The following RPS6KC1 variants were observed in gnomAD, a reference collection of about 807,000 sequenced individuals.
The protein encoded by RPS6KC1 is ribosomal protein S6 kinase C1, also known as inactive ribosomal protein S6 kinase delta-1.
In RPS6KC1, 54 loss-of-function variants were observed where a neutral mutation model predicts 103.8. The ratio of observed to expected loss-of-function variants is 0.52; its 90% CI spans 0.42 to 0.65. The LOEUF (loss-of-function observed/expected upper bound fraction) is 0.65, where lower values mean the gene tolerates loss of function less well. Among genes scored for constraint, RPS6KC1 ranks in the 30% least tolerant of loss-of-function variants. The pLI, the probability that RPS6KC1 is intolerant of heterozygous loss-of-function variation, is 0.00. For missense variants in RPS6KC1, 1,151 were observed against 1,253.8 expected, an observed-to-expected ratio of 0.92 and a Z score of 1.24; for synonymous variants, 439 against 438.7, an observed-to-expected ratio of 1.00 and a Z score of -0.01.
the RPS6KC1 span, among the ~76,000 whole-genome samples, chr1:213,315,641 T>C: frequency 2.6e-5 from 4 of 152,228 alleles, no homozygotes; most frequent in Non-Finnish European, 5.9e-5. Context: ...TATTAGTATA[T>C]AGGAAAGAGT....
the RPS6KC1 span, among the ~76,000 whole-genome samples, chr1:213,586,900 A>G: frequency 0.12 from 17,633 of 152,196 alleles, 1,686 homozygotes; most frequent in African/African-American, 0.26. Flanking sequence ...TAGAAGAAGG[A>G]AGGTGTGTGC....
the RPS6KC1 span, among the ~76,000 whole-genome samples, chr1:213,571,889 G>A: frequency 8.7e-4 from 132 of 152,318 alleles, no homozygotes; most frequent in African/African-American, 2.5e-3. Flanking sequence ...CAGTAGGTCC[G>A]GAGGAGGGCC....
At chr1:213,287,709 G>A in the RPS6KC1 span, among the ~76,000 whole-genome samples, 1 of 152,184 alleles carries the variant, frequency 6.6e-6, no homozygotes, top group African/African-American at 2.4e-5. Context: ...TTAGCATGCG[G>A]TATCCCTGAG....
chr1:213,385,170 C>G, the RPS6KC1 span, among the ~76,000 whole-genome samples: 2 of 152,310 alleles, frequency 1.3e-5, no homozygotes, highest in African/African-American at 4.8e-5. Context: ...TGATAAGCGA[C>G]TGAACATAGG....
At position 213,165,247 on chromosome 1, in the gene RPS6KC1, A is replaced by G. The variant is rs116451521; in HGVS notation, c.836-2611A>G. 5.7e-3 allele frequency among the ~76,000 whole-genome samples: 867 copies of G among 152,042 alleles called. 11 individuals are homozygous for G. Among genetic ancestry groups the G allele is most frequent in the African/African-American group, 0.017 (724 of 41,488 alleles). On this transcript the variant is annotated intron_variant, in intron 6 of 14. Transcript: ENST00000366960. ...AACCGTAGTATTTATGTATAAGGTT[A>G]CTTTTTTGAGTCTTGCTCTGTTGCC...
chr1:213,654,599 A>G, the RPS6KC1 span, among the ~76,000 whole-genome samples: 1 of 152,350 alleles, frequency 6.6e-6, no homozygotes, highest in South Asian at 2.1e-4. Flanking sequence ...CATGGATTTG[A>G]TGTGATTCCT....
the RPS6KC1 span, among the ~76,000 whole-genome samples, chr1:213,560,224 T>C: frequency 1.3e-5 from 2 of 152,304 alleles, no homozygotes; most frequent in African/African-American, 4.8e-5. Flanking sequence ...ATAATTAAGA[T>C]CTCAAGTCAG....
chr1:213,394,829 T>C, the RPS6KC1 span, among the ~76,000 whole-genome samples: 4 of 152,188 alleles, frequency 2.6e-5, no homozygotes, highest in Admixed American at 6.5e-5. Context: ...TGTACTTGCA[T>C]ATTGGAGGAA....
the RPS6KC1 span, among the ~76,000 whole-genome samples, chr1:213,514,234 AT>A: frequency 6.0e-3 from 919 of 151,974 alleles, 14 homozygotes; most frequent in African/African-American, 0.02. Flanking sequence ...GAAGGGATAT[AT>A]TTTTTTTATT....
intron 6 of RPS6KC1, among the ~76,000 whole-genome samples, chr1:213,137,459 G>A (rs764833901): frequency 2.6e-5 from 4 of 151,578 alleles, no homozygotes; most frequent in East Asian, 3.9e-4. Flanking sequence ...TCAACCTCCC[G>A]AGTAGCTGAG....
At chr1:213,166,575 A>T (rs545739122) in intron 6 of RPS6KC1, among the ~76,000 whole-genome samples, 16 of 152,334 alleles carry the variant, frequency 1.1e-4, no homozygotes, top group African/African-American at 3.6e-4. Flanking sequence ...GAGAGTTAAT[A>T]AATAAATGTA....
chr1:213,130,204 G>A (rs892813955), intron 6 of RPS6KC1, among the ~76,000 whole-genome samples: 6 of 152,056 alleles, frequency 3.9e-5, no homozygotes, highest in Non-Finnish European at 5.9e-5. Context: ...GTGTTTTACC[G>A]GCCTTCATCT....
At chr1:213,130,286 G>T (rs1003702377) in intron 6 of RPS6KC1, among the ~76,000 whole-genome samples, 1 of 152,150 alleles carries the variant, frequency 6.6e-6, no homozygotes, top group African/African-American at 2.4e-5. Context: ...TAAACTAAGA[G>T]CATAAAAGAT....
chr1:213,680,916 G>A, the RPS6KC1 span, among the ~76,000 whole-genome samples: 2 of 152,194 alleles, frequency 1.3e-5, no homozygotes, highest in East Asian at 1.9e-4. Context: ...AGAGCAAAGC[G>A]CTGGCAGTTA....
At chr1:213,502,338 T>C in the RPS6KC1 span, among the ~76,000 whole-genome samples, 1 of 152,088 alleles carries the variant, frequency 6.6e-6, no homozygotes, top group African/African-American at 2.4e-5. Context: ...ATTTGTGTCA[T>C]ATAAGACAAA....
chr1:213,318,252 G>T, the RPS6KC1 span, among the ~76,000 whole-genome samples: 1 of 152,214 alleles, frequency 6.6e-6, no homozygotes, highest in South Asian at 2.1e-4. Flanking sequence ...GATATTTACA[G>T]CTGCGTTTTC....
intron 3 of RPS6KC1, among the ~76,000 whole-genome samples, chr1:213,079,928 T>C (rs1474930616): frequency 6.6e-6 from 1 of 151,036 alleles, no homozygotes; most frequent in African/African-American, 2.4e-5. Context: ...CTTTTTTTTT[T>C]TTTTTGAGAT....
chr1:213,421,511 G>A, the RPS6KC1 span, among the ~76,000 whole-genome samples: 1 of 152,202 alleles, frequency 6.6e-6, no homozygotes, highest in Non-Finnish European at 1.5e-5. Flanking sequence ...AAATTTGAAT[G>A]AGACCAAATA....
the RPS6KC1 span, among the ~76,000 whole-genome samples, chr1:213,522,193 C>T: frequency 6.6e-6 from 1 of 152,212 alleles, no homozygotes; most frequent in Non-Finnish European, 1.5e-5. Context: ...TTGCACATCT[C>T]CATCAGAGCT....
Sources: gnomAD v4.1 joint callset for allele counts (sites outside exome capture counted in the v4.1 genomes callset) on GRCh38, gnomAD v4.1.1 for gene constraint, MANE v1.5 for transcripts, NCBI Gene and HGNC (gene_info 2026-07-23, HGNC 2026-07-21) for gene names.